The following DNM1 variants were observed in gnomAD, a reference collection of about 807,000 sequenced individuals.
DNM1 encodes dynamin-1.
A neutral mutation model predicts 104.6 loss-of-function variants in DNM1; 29 were observed. That is an observed-to-expected ratio of 0.28 (90% confidence interval 0.21 to 0.38). The LOEUF is 0.38. DNM1 is among the 10% of genes least tolerant of loss of function. DNM1 has a pLI of 1.00. For synonymous variants in DNM1, 445 were observed against 475.8 expected (o/e 0.94, Z 0.84); for missense variants, 640 against 1,189.4 (o/e 0.54, Z 6.79).
intron 15 of DNM1, chr9:128,244,974 T>C (rs1024936275): frequency 6.9e-6 from 2 of 288,814 alleles, no homozygotes; most frequent in Non-Finnish European, 1.5e-5. Context: ...CAACTCCCCT[T>C]CTGCCTCCTT....
intron 1 of DNM1, among the ~76,000 whole-genome samples, chr9:128,207,700 TG>T (rs753130396): frequency 1.3e-5 from 2 of 152,146 alleles, no homozygotes; most frequent in Non-Finnish European, 2.9e-5. Context: ...ATCTGTAAAA[TG>T]GGGATAATAA....
intron 1 of DNM1, among the ~76,000 whole-genome samples, chr9:128,208,743 C>A (rs969818981): frequency 6.6e-6 from 1 of 152,040 alleles, no homozygotes; most frequent in Non-Finnish European, 1.5e-5. Context: ...ACAAAGAGCA[C>A]GTTTGTCGTG....
intron 1 of DNM1, among the ~76,000 whole-genome samples, chr9:128,213,204 C>G (rs1451987128): frequency 2.0e-5 from 3 of 152,058 alleles, no homozygotes; most frequent in East Asian, 1.9e-4. Flanking sequence ...GCCTCAGTCT[C>G]CCGAGTAGCT....
chr9:128,209,362 G>A (rs1398458735), intron 1 of DNM1, among the ~76,000 whole-genome samples: 1 of 152,156 alleles, frequency 6.6e-6, no homozygotes, highest in Non-Finnish European at 1.5e-5. Flanking sequence ...TGGGTCAGAG[G>A]GTCGGACCCA....
rs369464140 is a variant in DNM1, at chr9:128,227,009, C to CTTT, written c.1335+2641_1335+2643dup. Among the ~76,000 whole-genome samples, 799 of 101,748 alleles carry CTTT rather than the reference C, an allele frequency of 7.9e-3. 16 individuals are homozygous for CTTT. The highest frequency in any genetic ancestry group is 0.01 in the East Asian group (30 of 2,990). 66.8% of individuals were successfully genotyped at this position (101,748 alleles called of 152,430 possible). ...AAATAAGCATCAATCATCTCCATTC[C>CTTT]TTTTTTTTTTTTTTTTTTTTTTTGA... On this transcript the variant is annotated intron_variant, in intron 10 of 21. Transcript: ENST00000372923.
intron 10 of DNM1, chr9:128,226,037 C>T: frequency 6.2e-7 from 1 of 1,612,584 alleles, no homozygotes; most frequent in Non-Finnish European, 8.5e-7. Context: ...GGGTGCAGGA[C>T]GGGCCTCTTC....
At chr9:128,251,765 C>T (rs1829548614) in intron 21 of DNM1, 1 of 152,808 alleles carries the variant, frequency 6.5e-6, no homozygotes, top group Non-Finnish European at 1.5e-5. Context: ...TCTACTACAT[C>T]CTTTGGCTTG....
Position 128,248,994 on chromosome 9 carries a change from A to T in DNM1, c.2076+241A>T, listed in dbSNP as rs1220915344. On this transcript the variant is annotated intron_variant, in intron 19 of 21. Coordinates refer to ENST00000372923, the MANE Select transcript of DNM1 (RefSeq NM_004408.4). The surrounding 1 kb of genome is among the most constrained non-coding windows in gnomAD (Gnocchi z 5.6). ...GATCACGTGAGGTCAGGAGTTTAAGACCAGCCTGGCCAACATGGTGAAACC... is the reference window on the plus strand; with the variant it reads ...GATCACGTGAGGTCAGGAGTTTAAGTCCAGCCTGGCCAACATGGTGAAACC... 6.6e-6 allele frequency among the ~76,000 whole-genome samples: 1 copy of T among 151,666 alleles called. No homozygotes were observed. Among genetic ancestry groups the T allele is most frequent in the Non-Finnish European group, 1.5e-5 (1 of 67,962 alleles).
intron 10 of DNM1, among the ~76,000 whole-genome samples, chr9:128,232,323 G>T (rs1588403002): frequency 6.6e-6 from 1 of 152,184 alleles, no homozygotes; most frequent in African/African-American, 2.4e-5. Flanking sequence ...AGCCTCAGGA[G>T]CAGTGGGGTT....
rs1168411583 is a variant in DNM1 at position 128,220,025 on chromosome 9, G to A, written c.627G>A (p.Leu209=). The change falls in exon 5 of 22, where the codon CTG becomes CTA. Residue 209 remains leucine (L), a synonymous_variant. Transcript: ENST00000372923. The surrounding 1 kb of genome is among the most constrained non-coding windows in gnomAD (Gnocchi z 5.2). Reference sequence around the variant, plus strand: ...TCGGGGTCATCACCAAGCTGGACCTGATGGACGAGGGCACAGATGCCCGTG... The same window carrying A: ...TCGGGGTCATCACCAAGCTGGACCTAATGGACGAGGGCACAGATGCCCGTG... ...RTIGVITKLD[L]MDEGTDARDV... 1 of 1,602,594 alleles carries A rather than the reference G, an allele frequency of 6.2e-7. No individual in the cohort carries two copies.
intron 21 of DNM1, 26 bp downstream of exon 21, chr9:128,250,966 A>G (rs568540883): frequency 7.6e-7 from 1 of 1,310,820 alleles, no homozygotes; most frequent in South Asian, 1.4e-5. Context: ...ATGCGGCTGG[A>G]GAGGCTGCCG....
chr9:128,228,201 C>T (rs146934637), intron 10 of DNM1, among the ~76,000 whole-genome samples: 63 of 152,038 alleles, frequency 4.1e-4, no homozygotes, highest in Non-Finnish European at 8.7e-4. Context: ...CCCACCACAC[C>T]CAGCTAATTT....
intron 1 of DNM1, among the ~76,000 whole-genome samples, chr9:128,209,447 G>C (rs2131102722): frequency 6.6e-6 from 1 of 152,292 alleles, no homozygotes; most frequent in South Asian, 2.1e-4. Context: ...TGGACACAGT[G>C]CTGTCAGGCG....
rs146892675 is a variant in DNM1, at chr9:128,244,722, C to G, written c.1672-1672C>G. 8 of 531,284 alleles carry G rather than the reference C, an allele frequency of 1.5e-5. No individual in the cohort carries two copies. The East Asian group carries it at 2.2e-4, about 15-fold the overall frequency. 32.9% of individuals were successfully genotyped at this position (531,284 alleles called of 1,614,324 possible). On this transcript the variant is annotated intron_variant, in intron 15 of 21. Coordinates refer to ENST00000372923, the MANE Select transcript of DNM1 (RefSeq NM_004408.4). ...TCCAGCTCTCCAGTGGCGGCGGTGC[C>G]GAGGGTCTAACCCAGCCCAGCCTAA...
Position 128,224,470 on chromosome 9 carries a change from C to T in DNM1, c.1335+81C>T, listed in dbSNP as rs1835222009. ...CCAGGCGCTCCTTCCCCATGTCCCC[C>T]CCTGCCTCCTCGGTAGCATGTACAG... On this transcript the variant is annotated intron_variant, in intron 10 of 21. Coordinates refer to ENST00000372923, the MANE Select transcript of DNM1 (RefSeq NM_004408.4). The surrounding 1 kb of genome is among the most constrained non-coding windows in gnomAD (Gnocchi z 4.3). The T allele has an allele frequency of 2.8e-6, 4 of 1,420,278 alleles. No individual in the cohort carries two copies. The highest frequency in any genetic ancestry group is 3.8e-5 in the Admixed American group (2 of 53,010). 88.0% of individuals were successfully genotyped at this position (1,420,278 alleles called of 1,614,324 possible). A position where few individuals can be genotyped will look rare whatever the true frequency, so the allele number is the denominator to read the frequency against.
Position 128,203,665 on chromosome 9 carries a change from G to C in DNM1, c.161+34G>C, listed in dbSNP as rs1430980579. On this transcript the variant is annotated intron_variant, in intron 1 of 21. Coordinates refer to ENST00000372923, the MANE Select transcript of DNM1 (RefSeq NM_004408.4). The surrounding 1 kb of genome is among the most constrained non-coding windows in gnomAD (Gnocchi z 5.3). Reference sequence around the variant, plus strand: ...GGCGCGCCCCCAGGCGCCGACCCCCGACCCCCGGGATCCCTGGAGTCCCCG... The same window carrying C: ...GGCGCGCCCCCAGGCGCCGACCCCCCACCCCCGGGATCCCTGGAGTCCCCG... 1 of 1,483,946 alleles carries C rather than the reference G, an allele frequency of 6.7e-7. No homozygotes were observed. Among genetic ancestry groups the C allele is most frequent in the Non-Finnish European group, 8.9e-7 (1 of 1,123,834 alleles). 91.9% of individuals were successfully genotyped at this position (1,483,946 alleles called of 1,614,324 possible).
At chr9:128,242,747 G>A (rs548890653) in intron 15 of DNM1, among the ~76,000 whole-genome samples, 3 of 152,124 alleles carry the variant, frequency 2.0e-5, no homozygotes, top group Non-Finnish European at 4.4e-5. Flanking sequence ...GCAACAGAGT[G>A]AGACTCCATC....
Position 128,243,968 on chromosome 9 carries a change from T to TGTGG in DNM1, c.1671+1624_1671+1625insTGGG, listed in dbSNP as rs1491338321. 3.3e-5 allele frequency among the ~76,000 whole-genome samples: 5 copies of TGTGG among 149,670 alleles called. No homozygotes were observed. Among genetic ancestry groups the TGTGG allele is most frequent in the African/African-American group, 1.2e-4 (5 of 40,574 alleles). On this transcript the variant is annotated intron_variant, in intron 15 of 21. Transcript: ENST00000372923. This position sits in a 1 kb window ranked among gnomAD's most constrained non-coding sequence, Gnocchi z 4.0. Reference sequence around the variant, plus strand: ...GTGTGTGTGTGTGTGTGTGTGTGTGTGGCTTGTGGGTCTGGTGTGTGGGTG... The same window carrying TGTGG: ...GTGTGTGTGTGTGTGTGTGTGTGTGTGTGGGGCTTGTGGGTCTGGTGTGTGGGTG...
chr9:128,252,097 G>C (rs1416233859), intron 21 of DNM1: 1 of 203,964 alleles, frequency 4.9e-6, no homozygotes, highest in African/African-American at 2.4e-5. Flanking sequence ...CCCTCCCAGA[G>C]CCTCAGCATC....
Sources: gnomAD v4.1 joint callset for allele counts (sites outside exome capture counted in the v4.1 genomes callset) on GRCh38, gnomAD v4.1.1 for gene constraint, Gnocchi (gnomAD v3.1) non-coding constraint, MANE v1.5 for transcripts, NCBI Gene and HGNC (gene_info 2026-07-23, HGNC 2026-07-21) for gene names.